Variants in POU6F2 observed in about 807,000 individuals in gnomAD.
POU6F2 encodes POU domain, class 6, transcription factor 2.
A neutral mutation model predicts 71.3 loss-of-function variants in POU6F2; 31 were observed. The observed-to-expected ratio is 0.43, with a 90% CI of 0.33 to 0.59. The LOEUF is 0.59. Among genes scored for constraint, POU6F2 ranks in the 20% least tolerant of loss-of-function variants. POU6F2 has a pLI of 0.04. For missense variants in POU6F2, 783 were observed against 856.8 expected (o/e 0.91, Z 1.07); for synonymous variants, 347 against 355.7 (o/e 0.98, Z 0.27).
chr7:39,193,426 A>T (rs191053137), intron 2 of POU6F2, among the ~76,000 whole-genome samples: 1 of 152,346 alleles, frequency 6.6e-6, no homozygotes, highest in Admixed American at 6.5e-5. Context: ...TGCAATTTGT[A>T]TCATGATATT....
chr7:39,056,564 AT>A (rs1790523186), intron 1 of POU6F2, among the ~76,000 whole-genome samples: 1 of 151,888 alleles, frequency 6.6e-6, no homozygotes, highest in African/African-American at 2.4e-5. Context: ...TATAAAAATT[AT>A]TACTCTAAAA....
intron 4 of POU6F2, among the ~76,000 whole-genome samples, chr7:39,227,328 C>A (rs577879987): frequency 1.3e-5 from 2 of 151,196 alleles, no homozygotes; most frequent in East Asian, 3.9e-4. Context: ...CTTTATTTTT[C>A]TATTTTCTCT....
chr7:39,061,351 G>T (rs1019895846), intron 1 of POU6F2, among the ~76,000 whole-genome samples: 3 of 152,040 alleles, frequency 2.0e-5, no homozygotes, highest in African/African-American at 4.8e-5. Context: ...GGATAATCGT[G>T]GCTAGTCTTT....
At chr7:39,240,159 C>T (rs6462898) in intron 4 of POU6F2, among the ~76,000 whole-genome samples, 140,061 of 152,176 alleles carry the variant, frequency 0.92, 64,613 homozygotes, top group East Asian at 1. Flanking sequence ...CTGAAAGGAC[C>T]CCTCTGTCTC....
intron 2 of POU6F2, among the ~76,000 whole-genome samples, chr7:39,192,264 A>G (rs900836003): frequency 2.0e-5 from 3 of 152,222 alleles, no homozygotes; most frequent in African/African-American, 2.4e-5. Context: ...TGAGTTGCAC[A>G]CAAGAGTGGA....
intron 7 of POU6F2, among the ~76,000 whole-genome samples, chr7:39,438,710 A>G (rs1487175438): frequency 6.6e-6 from 1 of 152,256 alleles, no homozygotes. Context: ...ATTTGATCAC[A>G]CTGTGGTCTG....
At chr7:39,218,525 C>T (rs1030418724) in intron 4 of POU6F2, among the ~76,000 whole-genome samples, 6 of 152,182 alleles carry the variant, frequency 3.9e-5, no homozygotes, top group Admixed American at 2.6e-4. Context: ...AGCTCCCTCT[C>T]GGGAAAAGCT....
chr7:39,184,188 C>T (rs759329936), intron 2 of POU6F2, among the ~76,000 whole-genome samples: 4 of 152,230 alleles, frequency 2.6e-5, no homozygotes, highest in Non-Finnish European at 5.9e-5. Context: ...GCAATAGAAT[C>T]ATCATAAAGA....
At chr7:39,067,479 G>A (rs1004489115) in intron 1 of POU6F2, among the ~76,000 whole-genome samples, 15 of 151,590 alleles carry the variant, frequency 9.9e-5, no homozygotes, top group African/African-American at 2.7e-4. Context: ...AAAATCAAAC[G>A]GAAATAACAA....
At chr7:39,085,760 A>AAG (rs371623696) in intron 1 of POU6F2, 100 bp from the exon 2 acceptor site, 61 of 1,152,542 alleles carry the variant, frequency 5.3e-5, no homozygotes, top group Middle Eastern at 2.4e-4. Flanking sequence ...GTGTGTGTGG[A>AAG]AGAGAGAGAG....
intron 5 of POU6F2, among the ~76,000 whole-genome samples, chr7:39,386,151 A>G (rs574576095): frequency 1.1e-3 from 167 of 147,850 alleles, no homozygotes; most frequent in African/African-American, 3.9e-3. Context: ...AACTTAGGCC[A>G]CTTTTACAGA....
intron 1 of POU6F2, among the ~76,000 whole-genome samples, chr7:39,072,934 G>A (rs1790913289): frequency 6.6e-6 from 1 of 152,082 alleles, no homozygotes; most frequent in Non-Finnish European, 1.5e-5. Context: ...ACATGATCAG[G>A]GTGCTAAGAA....
At chr7:39,439,289 C>T (rs1183092893) in intron 7 of POU6F2, among the ~76,000 whole-genome samples, 5 of 151,912 alleles carry the variant, frequency 3.3e-5, no homozygotes, top group Admixed American at 6.6e-5. Context: ...TACAACACAC[C>T]GATGGGTCTT....
Position 39,025,463 on chromosome 7 carries a change from T to A in POU6F2, c.105+47405T>A, listed in dbSNP as rs1789778760. Among the ~76,000 whole-genome samples, 3 of 152,194 alleles carry A rather than the reference T, an allele frequency of 2.0e-5. No individual in the cohort carries two copies. The South Asian group carries it at 6.2e-4, about 32-fold the overall frequency. On this transcript the variant is annotated intron_variant, in intron 1 of 9. Transcript: ENST00000518318. ...AAAGCCGCATATCTACAACTATCTG[T>A]TCTTTGACAAACCTGAGAAAAACAG...
intron 2 of POU6F2, among the ~76,000 whole-genome samples, chr7:39,185,798 C>T (rs1793520718): frequency 7.1e-6 from 1 of 141,266 alleles, no homozygotes; most frequent in Admixed American, 7.2e-5. Flanking sequence ...ACTTGGTATA[C>T]ATATATATAT....
intron 4 of POU6F2, among the ~76,000 whole-genome samples, chr7:39,303,303 G>A (rs770703975): frequency 2.6e-5 from 4 of 151,876 alleles, no homozygotes; most frequent in Non-Finnish European, 4.4e-5. Flanking sequence ...ACCCTCCGCC[G>A]CGCCTGGCTA....
intron 6 of POU6F2, among the ~76,000 whole-genome samples, chr7:39,432,684 C>T (rs1244322142): frequency 2.6e-5 from 4 of 151,978 alleles, no homozygotes; most frequent in Non-Finnish European, 4.4e-5. Context: ...TGGAGCCCCC[C>T]GGGGTTGGGG....
intron 1 of POU6F2, among the ~76,000 whole-genome samples, chr7:39,017,642 C>T (rs1789587987): frequency 6.6e-6 from 1 of 152,280 alleles, no homozygotes; most frequent in Non-Finnish European, 1.5e-5. Flanking sequence ...TACAAGCCCC[C>T]TTATCCACCC....
intron 8 of POU6F2, among the ~76,000 whole-genome samples, chr7:39,458,385 C>CT (rs983877426): frequency 0.042 from 2,976 of 71,604 alleles, 68 homozygotes; most frequent in East Asian, 0.2. Context: ...TTAGCAAGTG[C>CT]TTTTTTTTTT....
Sources: gnomAD v4.1 joint callset for allele counts (sites outside exome capture counted in the v4.1 genomes callset) on GRCh38, gnomAD v4.1.1 for gene constraint, MANE v1.5 for transcripts, NCBI Gene and HGNC (gene_info 2026-07-23, HGNC 2026-07-21) for gene names.